RAB3B: variants seen among roughly 807,000 people sequenced by gnomAD.
RAB3B encodes RAB3B, member RAS oncogene family.
RAB3B carries 11 observed loss-of-function variants against 20.5 expected under a neutral mutation model. That is an observed-to-expected ratio of 0.54 (90% CI 0.34 to 0.89). The LOEUF is 0.89. Ranked by LOEUF, RAB3B falls within the 40% of genes least tolerant of loss-of-function variation. RAB3B has a pLI of 0.02. For synonymous variants in RAB3B, 99 were observed against 106.3 expected, an observed-to-expected ratio of 0.93 and a Z score of 0.42; for missense variants, 225 against 280.9, an observed-to-expected ratio of 0.80 and a Z score of 1.42.
rs1684068181 is a variant in RAB3B at position 51,915,325 on chromosome 1, C to T, written c.*4602G>A. 2 of 151,970 alleles carry T rather than the reference C, an allele frequency of 1.3e-5. No individual in the cohort carries two copies. Among genetic ancestry groups the T allele is most frequent in the South Asian group, 2.1e-4 (1 of 4,820 alleles). The allele number at this position is 151,970 out of a possible 1,614,324, so 9.4% of individuals were successfully genotyped here. On this transcript the variant is annotated 3_prime_UTR_variant, in exon 5 of 5. Coordinates refer to ENST00000371655, the MANE Select transcript of RAB3B (RefSeq NM_002867.4). Reference sequence around the variant, plus strand: ...CGATAGTCAAATAGCTAAGTGTCTTCTTAGAGGTGATCCAGGACCTAGTCC... The same window carrying T: ...CGATAGTCAAATAGCTAAGTGTCTTTTTAGAGGTGATCCAGGACCTAGTCC...
At chr1:51,965,126 C>T (rs989219729) in intron 2 of RAB3B, among the ~76,000 whole-genome samples, 12 of 151,114 alleles carry the variant, frequency 7.9e-5, no homozygotes, top group African/African-American at 2.2e-4. Context: ...GGCTGAGGAA[C>T]GAGAATTACT....
intron 2 of RAB3B, among the ~76,000 whole-genome samples, chr1:51,963,532 A>G (rs1684810402): frequency 6.6e-6 from 1 of 152,232 alleles, no homozygotes; most frequent in Non-Finnish European, 1.5e-5. Context: ...GAGCTGATGA[A>G]TTTAAATTTA....
intron 2 of RAB3B, among the ~76,000 whole-genome samples, chr1:51,942,195 T>C (rs1684503751): frequency 6.6e-6 from 1 of 152,210 alleles, no homozygotes; most frequent in South Asian, 2.1e-4. Flanking sequence ...TCTGAGCGCC[T>C]GCACTGCCAT....
intron 1 of RAB3B, among the ~76,000 whole-genome samples, chr1:51,986,242 C>A (rs1685149725): frequency 6.6e-6 from 1 of 151,106 alleles, no homozygotes; most frequent in South Asian, 2.1e-4. Flanking sequence ...GCTCCGCCTC[C>A]CGGGTTCACG....
intron 2 of RAB3B, among the ~76,000 whole-genome samples, chr1:51,965,115 T>C (rs1684830963): frequency 6.6e-6 from 1 of 150,922 alleles, no homozygotes. Flanking sequence ...GCCACTCAGG[T>C]GGCTGAGGAA....
At chr1:51,934,590 T>C (rs1223644553) in intron 3 of RAB3B, among the ~76,000 whole-genome samples, 1 of 151,496 alleles carries the variant, frequency 6.6e-6, no homozygotes, top group Non-Finnish European at 1.5e-5. Flanking sequence ...GCTAACATGG[T>C]GAAACCCCGT....
chr1:51,985,749 G>A (rs892581735), intron 1 of RAB3B, among the ~76,000 whole-genome samples: 1 of 151,910 alleles, frequency 6.6e-6, no homozygotes, highest in East Asian at 1.9e-4. Context: ...AAATTTGCCT[G>A]CCTTTATTAG....
chr1:51,989,099 G>A (rs1056294515), intron 1 of RAB3B, among the ~76,000 whole-genome samples: 2 of 26,172 alleles, frequency 7.6e-5, no homozygotes, highest in East Asian at 2.6e-3. Context: ...CCACCTGTGC[G>A]CGCGCACACA....
chr1:51,973,293 C>T (rs971703960), intron 2 of RAB3B: 24 of 152,234 alleles, frequency 1.6e-4, no homozygotes, highest in Non-Finnish European at 3.1e-4. Context: ...TGTTTAAAAT[C>T]TAATGTATTC....
In RAB3B at chr1:51,979,632, C is replaced by T. The variant is rs12024434; in HGVS notation, c.1-2515G>A. On this transcript the variant is annotated intron_variant, in intron 1 of 4. Transcript: ENST00000371655. ...ACCACAACAACCTCACACCATCCTC[C>T]GCTCTGCTGCCTGCAAGTCATCTTT... Among the ~76,000 whole-genome samples the T allele has an allele frequency of 0.01, 1,555 of 152,252 alleles. 77 individuals carry two copies. The East Asian group carries it at 0.13, about 13-fold the overall frequency.
At chr1:51,926,220 T>G (rs1684241995) in intron 4 of RAB3B, among the ~76,000 whole-genome samples, 1 of 152,212 alleles carries the variant, frequency 6.6e-6, no homozygotes, top group Non-Finnish European at 1.5e-5. Flanking sequence ...ATTATCTGTT[T>G]GCAATTTTGT....
chr1:51,931,072 T>C (rs553948447), intron 4 of RAB3B, among the ~76,000 whole-genome samples: 11 of 152,062 alleles, frequency 7.2e-5, no homozygotes, highest in Non-Finnish European at 1.2e-4. Context: ...TTTTTTCTAA[T>C]ACATATCCAA....
At position 51,918,852 on chromosome 1, in the gene RAB3B, T is replaced by C. The variant is rs932631877; in HGVS notation, c.*1075A>G. 1.3e-5 allele frequency: 2 copies of C among 152,262 alleles called. No homozygotes were observed. Among genetic ancestry groups the C allele is most frequent in the Non-Finnish European group, 2.9e-5 (2 of 68,046 alleles). The allele number at this position is 152,262 out of a possible 1,614,324, so 9.4% of individuals were successfully genotyped here. A position where few individuals can be genotyped will look rare whatever the true frequency, so the allele number is the denominator to read the frequency against. The stretch of plus-strand genomic sequence containing the variant: ...GGAAAGCAGCAAAATCAGAAACTCA[T>C]GATCTGTTTCTTGATCTTGCCTGTT... On this transcript the variant is annotated 3_prime_UTR_variant, in exon 5 of 5. Coordinates refer to ENST00000371655, the MANE Select transcript of RAB3B (RefSeq NM_002867.4).
chr1:51,933,310 G>T lies in RAB3B; in HGVS notation c.472+8C>A, dbSNP rs552176681. 6 of 1,613,462 alleles carry T rather than the reference G, an allele frequency of 3.7e-6. No individual in the cohort carries two copies. The East Asian group carries it at 6.7e-5, about 18-fold the overall frequency. The stretch of plus-strand genomic sequence containing the variant: ...GCACACATGCACATACATGTGTCAT[G>T]TACATACCAAGCTGCTCTGCAAGGA... On this transcript the variant is annotated splice_region_variant and intron_variant, in intron 4 of 4. Coordinates refer to ENST00000371655, the MANE Select transcript of RAB3B (RefSeq NM_002867.4).
At position 51,968,738 on chromosome 1, in the gene RAB3B, T is replaced by C. The variant is rs115254124; in HGVS notation, c.228+8152A>G. Among the ~76,000 whole-genome samples, 753 of 152,342 alleles carry C rather than the reference T, an allele frequency of 4.9e-3. 13 individuals are homozygous for C. In the South Asian group the frequency reaches 0.058, roughly 12 times the overall value. Reference sequence around the variant, plus strand: ...ATATTTATAAATGACTCCAAAGCCATGTTGTGACCTAACATTTCATGGAGG... The same window carrying C: ...ATATTTATAAATGACTCCAAAGCCACGTTGTGACCTAACATTTCATGGAGG... On this transcript the variant is annotated intron_variant, in intron 2 of 4. Coordinates refer to ENST00000371655, the MANE Select transcript of RAB3B (RefSeq NM_002867.4).
At chr1:51,922,446 G>C (rs190139648) in intron 4 of RAB3B, among the ~76,000 whole-genome samples, 5 of 152,222 alleles carry the variant, frequency 3.3e-5, no homozygotes, top group Non-Finnish European at 7.4e-5. Flanking sequence ...CCCAGTCTCT[G>C]TTTCCTCATC....
intron 2 of RAB3B, among the ~76,000 whole-genome samples, chr1:51,976,284 G>T (rs778362185): frequency 3.9e-5 from 6 of 151,932 alleles, no homozygotes; most frequent in Non-Finnish European, 7.4e-5. Context: ...TTCCACCTCA[G>T]CCTCCCAAGT....
intron 3 of RAB3B, among the ~76,000 whole-genome samples, chr1:51,935,569 C>T (rs2124253338): frequency 6.6e-6 from 1 of 152,248 alleles, no homozygotes; most frequent in East Asian, 1.9e-4. Context: ...CCCAGGTTAG[C>T]AACAAACTCA....
At position 51,968,345 on chromosome 1, in the gene RAB3B, A is replaced by G. The variant is rs141423266; in HGVS notation, c.228+8545T>C. On this transcript the variant is annotated intron_variant, in intron 2 of 4. Coordinates refer to ENST00000371655, the MANE Select transcript of RAB3B (RefSeq NM_002867.4). Reference sequence around the variant, plus strand: ...GAGAAGCCTATTAGACAGCTACCCAATCTCATATAATAATCCATGACTGTA... The same window carrying G: ...GAGAAGCCTATTAGACAGCTACCCAGTCTCATATAATAATCCATGACTGTA... Among the ~76,000 whole-genome samples the G allele has an allele frequency of 3.1e-3, 476 of 152,258 alleles. 3 individuals carry two copies. The highest frequency in any genetic ancestry group is 0.011 in the African/African-American group (466 of 41,548).
Sources: gnomAD v4.1 joint callset for allele counts (sites outside exome capture counted in the v4.1 genomes callset) on GRCh38, gnomAD v4.1.1 for gene constraint, MANE v1.5 for transcripts, NCBI Gene and HGNC (gene_info 2026-07-23, HGNC 2026-07-21) for gene names.